PIEZO1: variants seen among roughly 807,000 people sequenced by gnomAD.
The protein encoded by PIEZO1 is piezo-type mechanosensitive ion channel component 1.
Under a neutral mutation model 297.2 loss-of-function variants are expected in PIEZO1, and 296 were observed. The ratio of observed to expected loss-of-function variants is 1.00; its 90% CI spans 0.91 to 1.10. The LOEUF (loss-of-function observed/expected upper bound fraction) is 1.10, where lower values mean the gene tolerates loss of function less well. Ranked by LOEUF, PIEZO1 falls within the 50% of genes least tolerant of loss-of-function variation. The probability of loss-of-function intolerance (pLI) is 0.00; values close to 1 mark genes in which losing one functional copy is unlikely to be tolerated. For synonymous variants in PIEZO1, 2,427 were observed against 1,507.5 expected (o/e 1.61, Z -14.13); for missense variants, 5,018 against 3,455.5 (o/e 1.45, Z -11.34).
intron 22 of PIEZO1, chr16:88,731,475 T>C: frequency 3.5e-6 from 2 of 564,004 alleles, no homozygotes; most frequent in Non-Finnish European, 6.3e-6. Flanking sequence ...GATAGAATAC[T>C]GGGCAAAAAA....
At position 88,734,833 on chromosome 16, in the gene PIEZO1, G is replaced by A. The variant is rs538140961; in HGVS notation, c.1849-35C>T. 53 of 1,550,122 alleles carry A rather than the reference G, an allele frequency of 3.4e-5. No individual in the cohort carries two copies. In the East Asian group the frequency reaches 1.1e-3, roughly 34 times the overall value. ...GAGGTGGGGGTGGTGAGGACCGCGG[G>A]GAGGGTCCGTGCCCCAGCCCCCATC... is the stretch of plus-strand genomic sequence containing the variant. On this transcript the variant is annotated intron_variant, in intron 14 of 50. Transcript: ENST00000301015.
Position 88,716,249 on chromosome 16 carries a change from T to A in PIEZO1, c.7078A>T (p.Ile2360Phe), listed in dbSNP as rs371049428. 6.7e-7 allele frequency: 1 copy of A among 1,494,414 alleles called. No individual in the cohort carries two copies. The highest frequency in any genetic ancestry group is 9.0e-7 in the Non-Finnish European group (1 of 1,116,560). 92.6% of individuals were successfully genotyped at this position (1,494,414 alleles called of 1,614,324 possible). A position where few individuals can be genotyped will look rare whatever the true frequency, so the allele number is the denominator to read the frequency against. The change falls in exon 49 of 51, where the codon ATC (isoleucine) becomes TTC (phenylalanine). Residue 2360 changes from isoleucine (I) to phenylalanine (F), a missense_variant. By Grantham distance (21) the Ile-to-Phe change is conservative. Transcript: ENST00000301015. ...VVIPNLFPKYIRAPNGPEANP... is the reference protein window; with the variant it reads ...VVIPNLFPKYFRAPNGPEANP... ...GCTTCGGGCCCGTTGGGGGCACGGA[T>A]GTACTTGGGGAAGAGATTAGGGATG...
At chr16:88,730,672 T>C (rs117944173) in intron 22 of PIEZO1, among the ~76,000 whole-genome samples, 1 of 150,474 alleles carries the variant, frequency 6.6e-6, no homozygotes, top group Admixed American at 6.6e-5. Flanking sequence ...CCTCAAGGGA[T>C]GCTCCTGCCT....
chr16:88,749,043 C>T (rs939185102), intron 2 of PIEZO1, among the ~76,000 whole-genome samples: 10 of 151,276 alleles, frequency 6.6e-5, no homozygotes, highest in South Asian at 4.2e-4. Flanking sequence ...CGAGACCATC[C>T]TGGCTATCAC....
At chr16:88,782,432 A>G (rs1907977859) in intron 1 of PIEZO1, among the ~76,000 whole-genome samples, 1 of 152,144 alleles carries the variant, frequency 6.6e-6, no homozygotes, top group South Asian at 2.1e-4. Flanking sequence ...ATCTCTCTAG[A>G]AGAGATGGGC....
Position 88,770,576 on chromosome 16 carries a change from G to A in PIEZO1, c.64+14325C>T, listed in dbSNP as rs546122631. Among the ~76,000 whole-genome samples, 3 of 152,316 alleles carry A rather than the reference G, an allele frequency of 2.0e-5. No homozygotes were observed. The South Asian group carries it at 6.2e-4, about 32-fold the overall frequency. ...TTAGTGCGGGGGCCCCGCCATGGGC[G>A]GTGCCTGCCTGGGCCGCTCCCTTCC... On this transcript the variant is annotated intron_variant, in intron 1 of 50. Coordinates refer to ENST00000301015, the MANE Select transcript of PIEZO1 (RefSeq NM_001142864.4).
At chr16:88,724,008 C>T (rs1279174615) in intron 30 of PIEZO1, 37 bp from the exon 31 acceptor site, 6 of 1,268,950 alleles carry the variant, frequency 4.7e-6, no homozygotes, top group African/African-American at 3.0e-5. Context: ...GCCTTCCATG[C>T]AGGGAGACTC....
chr16:88,733,042 G>A (rs545719962), intron 19 of PIEZO1: 197 of 583,948 alleles, frequency 3.4e-4, no homozygotes, highest in Middle Eastern at 2.3e-3. Flanking sequence ...CCTCACTGCC[G>A]GAGACCCTGG....
intron 1 of PIEZO1, among the ~76,000 whole-genome samples, chr16:88,752,269 G>T (rs1906428157): frequency 6.6e-6 from 1 of 152,170 alleles, no homozygotes; most frequent in African/African-American, 2.4e-5. Flanking sequence ...GATCACTTGA[G>T]CCCAGGAGTT....
intron 1 of PIEZO1, among the ~76,000 whole-genome samples, chr16:88,777,886 T>C (rs1297613868): frequency 6.6e-6 from 1 of 151,996 alleles, no homozygotes; most frequent in African/African-American, 2.4e-5. Flanking sequence ...CCCGGGCAGG[T>C]GGCCTCCCTA....
At chr16:88,724,208 G>A (rs553156440) in intron 30 of PIEZO1, among the ~76,000 whole-genome samples, 56 of 152,368 alleles carry the variant, frequency 3.7e-4, no homozygotes, top group African/African-American at 1.2e-3. Flanking sequence ...GAGGACCGGG[G>A]AAAACCCAGG....
In PIEZO1 at chr16:88,725,498, C is replaced by T. The variant is rs1283244236; in HGVS notation, c.4080G>A (p.Lys1360=). The change falls in exon 29 of 51, where the codon AAG becomes AAA. Residue 1360 remains lysine (K), a synonymous_variant. Transcript: ENST00000301015. ...CCCGGCCCTGCCTGTGCTTCTCCTG[C>T]TTGGCACGGATACGCTCCATCCTGT... ...LKRQMERIRA[K]QEKHRQGRVD... is the part of the protein sequence containing the mutation. 1.3e-6 allele frequency: 2 copies of T among 1,529,570 alleles called. No individual in the cohort carries two copies. The highest frequency in any genetic ancestry group is 1.2e-5 in the South Asian group (1 of 81,352). The allele number at this position is 1,529,570 out of a possible 1,614,324, so 94.7% of individuals were successfully genotyped here.
intron 11 of PIEZO1, 73 bp from the exon 12 acceptor site, chr16:88,736,481 A>G: frequency 1.6e-6 from 1 of 633,682 alleles, no homozygotes; most frequent in East Asian, 2.7e-5. Flanking sequence ...TGCGCGGCAG[A>G]GGGGGCTGCA....
At position 88,720,406 on chromosome 16, in the gene PIEZO1, AATGATG is replaced by A; in HGVS notation, c.5922_5927del (p.Ile1975_Ile1976del). 1 of 1,550,238 alleles carries A rather than the reference AATGATG, an allele frequency of 6.5e-7. No homozygotes were observed. The highest frequency in any genetic ancestry group is 8.7e-7 in the Non-Finnish European group (1 of 1,146,890). ...TCACCCCAAAGGCCCAGAAGCCAAA[AATGATG>A]ATGATGAAGTCGACAACATCAGCCA... On this transcript the variant is annotated inframe_deletion, in exon 41 of 51. Coordinates refer to ENST00000301015, the MANE Select transcript of PIEZO1 (RefSeq NM_001142864.4).
At chr16:88,727,227 G>A (rs1229545823) in intron 23 of PIEZO1, 35 bp from the exon 24 acceptor site, 2 of 1,503,802 alleles carry the variant, frequency 1.3e-6, no homozygotes, top group African/African-American at 2.8e-5. Context: ...GTGCCACACG[G>A]GGACCCACAC....
intron 2 of PIEZO1, among the ~76,000 whole-genome samples, chr16:88,746,195 G>C (rs1906047533): frequency 6.6e-6 from 1 of 152,200 alleles, no homozygotes; most frequent in Admixed American, 6.5e-5. Context: ...GGCCTTTTGA[G>C]ACAGAGGATG....
rs1908111197 is a variant in PIEZO1, at chr16:88,784,913, C to T, written c.52G>A (p.Ala18Thr). ...AVLYWLLLPC[A>T]LLAACLLRFS... Reference sequence around the variant, plus strand: ...GCCCCCCACTCACCAGCCAGCAGCGCGCAGGGCAGCAGCAGCCAGTACAGG... The same window carrying T: ...GCCCCCCACTCACCAGCCAGCAGCGTGCAGGGCAGCAGCAGCCAGTACAGG... Residue 18 changes from alanine to threonine, a missense_variant, in exon 1 of 51, where the codon GCG becomes ACG. Transcript: ENST00000301015. The T allele has an allele frequency of 8.4e-6, 12 of 1,436,696 alleles. No homozygotes were observed. The highest frequency in any genetic ancestry group is 2.5e-4 in the Middle Eastern group (1 of 4,066). 89.0% of individuals were successfully genotyped at this position (1,436,696 alleles called of 1,614,324 possible). A position where few individuals can be genotyped will look rare whatever the true frequency, so the allele number is the denominator to read the frequency against.
intron 21 of PIEZO1, 32 bp downstream of exon 21, chr16:88,732,303 T>C: frequency 1.3e-6 from 2 of 1,531,086 alleles, no homozygotes; most frequent in Non-Finnish European, 1.8e-6. Flanking sequence ...GGCCAAGCCC[T>C]GCCCCAGGGG....
chr16:88,748,428 A>G (rs1484018672), intron 2 of PIEZO1, among the ~76,000 whole-genome samples: 3 of 42,356 alleles, frequency 7.1e-5, no homozygotes, highest in Non-Finnish European at 1.6e-4. Context: ...AGGATACGGG[A>G]GAGCAACACA....
Sources: allele counts gnomAD v4.1 joint callset (sites outside exome capture counted in the v4.1 genomes callset), GRCh38; gene constraint gnomAD v4.1.1; transcripts MANE v1.5; gene names NCBI Gene and HGNC (gene_info 2026-07-23, HGNC 2026-07-21).